COX7A2: variants seen among roughly 807,000 people sequenced by gnomAD.
The protein encoded by COX7A2 is cytochrome c oxidase subunit 7A2, also known as cytochrome c oxidase subunit 7A2, mitochondrial.
Under a neutral mutation model 11.6 loss-of-function variants are expected in COX7A2, and 11 were observed. That is an observed-to-expected ratio of 0.95 (90% CI 0.60 to 1.57). The LOEUF (loss-of-function observed/expected upper bound fraction) is 1.57, where lower values mean the gene tolerates loss of function less well. Ranked by LOEUF, COX7A2 falls within the 40% of genes most tolerant of loss-of-function variation. The pLI is 0.00. For missense variants in COX7A2, 106 were observed against 100.9 expected, an observed-to-expected ratio of 1.05 and a Z score of -0.22; for synonymous variants, 30 against 38.2, an observed-to-expected ratio of 0.78 and a Z score of 0.79.
chr6:75,243,411 G>C (rs1771583251), intron 1 of COX7A2, among the ~76,000 whole-genome samples: 1 of 152,002 alleles, frequency 6.6e-6, no homozygotes, highest in South Asian at 2.1e-4. Context: ...TACTCAGATC[G>C]GAGCTACTAA....
At chr6:75,244,489 A>G (rs1771637193), upstream of COX7A2, among the ~76,000 whole-genome samples, 1 of 152,236 alleles carries the variant, frequency 6.6e-6, no homozygotes, top group South Asian at 2.1e-4. Flanking sequence ...CCAGCAGGGC[A>G]CTACATTCAT....
At chr6:75,241,695 C>T (rs1455637937) in intron 1 of COX7A2, 1 of 152,982 alleles carries the variant, frequency 6.5e-6, no homozygotes, top group Non-Finnish European at 1.5e-5. Flanking sequence ...CCTGTAATCC[C>T]AGCACTTTGG....
rs1460146038 is a variant in COX7A2 at position 75,243,770 on chromosome 6, A to C, written c.-36T>G. 10 of 1,613,994 alleles carry C rather than the reference A, an allele frequency of 6.2e-6. No individual in the cohort carries two copies. Among genetic ancestry groups the C allele is most frequent in the African/African-American group, 2.7e-5 (2 of 75,004 alleles). On this transcript the variant is annotated 5_prime_UTR_variant, in exon 1 of 4. Coordinates refer to ENST00000684430, the MANE Select transcript of COX7A2 (RefSeq NM_001366293.2). ...ACTGACCAGCAACCGCCACAACTGA[A>C]CACCACCAACGAAAATGGCCACGCC...
At chr6:75,240,141 G>A in intron 3 of COX7A2, 160 bp downstream of exon 3, 1 of 639,636 alleles carries the variant, frequency 1.6e-6, no homozygotes, top group East Asian at 2.8e-5. Context: ...TATACAGTAT[G>A]TATCAGTCAC....
upstream of COX7A2, among the ~76,000 whole-genome samples, chr6:75,248,415 T>C (rs1771723666): frequency 6.6e-6 from 1 of 152,096 alleles, no homozygotes; most frequent in African/African-American, 2.4e-5. Context: ...CCTAAACATT[T>C]CTTTTCTATT....
chr6:75,247,367 G>C (rs1360233307), upstream of COX7A2, among the ~76,000 whole-genome samples: 1 of 152,240 alleles, frequency 6.6e-6, no homozygotes, highest in Non-Finnish European at 1.5e-5. Context: ...GTTAATTCTA[G>C]AGCCATGCTT....
At chr6:75,241,760 C>T (rs555210253) in intron 1 of COX7A2, 1 of 152,186 alleles carries the variant, frequency 6.6e-6, no homozygotes, top group East Asian at 2.0e-4. Flanking sequence ...ACCACTCTGA[C>T]CAACATTAGA....
chr6:75,240,429 C>T (rs1035256832), intron 2 of COX7A2, 44 bp from the exon 3 acceptor site: 4 of 1,344,194 alleles, frequency 3.0e-6, no homozygotes, highest in Non-Finnish European at 3.1e-6. Flanking sequence ...AAATGTCTCA[C>T]TCATTTCCAA....
At chr6:75,240,747 A>G (rs1431767672) in intron 2 of COX7A2, 1 of 107,648 alleles carries the variant, frequency 9.3e-6, no homozygotes, top group Non-Finnish European at 1.9e-5. Flanking sequence ...AGATTTAGTC[A>G]TAGGAAACTT....
At chr6:75,248,754 G>A (rs1771732088), upstream of COX7A2, among the ~76,000 whole-genome samples, 1 of 152,026 alleles carries the variant, frequency 6.6e-6, no homozygotes, top group African/African-American at 2.4e-5. Flanking sequence ...AATAATTACC[G>A]GTTACCTACT....
chr6:75,243,187 G>A (rs1206522885), intron 1 of COX7A2, among the ~76,000 whole-genome samples: 2 of 152,174 alleles, frequency 1.3e-5, no homozygotes, highest in South Asian at 2.1e-4. Flanking sequence ...GAGGGGTGAA[G>A]GACAATGCAC....
upstream of COX7A2, among the ~76,000 whole-genome samples, chr6:75,246,957 G>A (rs1293208026): frequency 6.6e-6 from 1 of 152,128 alleles, no homozygotes; most frequent in East Asian, 1.9e-4. Flanking sequence ...CATCAGTTTG[G>A]GGTTCTTTTA....
intron 3 of COX7A2, among the ~76,000 whole-genome samples, chr6:75,239,662 T>C (rs1454208893): frequency 1.3e-5 from 2 of 152,212 alleles, no homozygotes; most frequent in East Asian, 1.9e-4. Flanking sequence ...TGCATCACAG[T>C]CAAAATGTTT....
chr6:75,248,701 G>A (rs934567439), upstream of COX7A2, among the ~76,000 whole-genome samples: 2 of 81,136 alleles, frequency 2.5e-5, no homozygotes, highest in Non-Finnish European at 5.6e-5. Context: ...TATAGAGTTT[G>A]ACTCTTTTCA....
At chr6:75,244,374 A>C (rs755699082), upstream of COX7A2, among the ~76,000 whole-genome samples, 4 of 152,152 alleles carry the variant, frequency 2.6e-5, no homozygotes, top group Non-Finnish European at 5.9e-5. Flanking sequence ...AAGTTCTTCC[A>C]CAGTGTCCCC....
upstream of COX7A2, chr6:75,244,013 A>C: frequency 1.8e-6 from 1 of 543,868 alleles, no homozygotes; most frequent in South Asian, 2.1e-5. Flanking sequence ...AAGGCTGGGG[A>C]AAAAGCAAAC....
At chr6:75,240,819 A>G (rs1771478811) in intron 2 of COX7A2, 1 of 192,604 alleles carries the variant, frequency 5.2e-6, no homozygotes, top group Admixed American at 5.5e-5. Context: ...TATCCCTAGC[A>G]TCTAATCCAG....
At chr6:75,246,703 A>T (rs1425352130), upstream of COX7A2, among the ~76,000 whole-genome samples, 1 of 152,238 alleles carries the variant, frequency 6.6e-6, no homozygotes, top group Non-Finnish European at 1.5e-5. Context: ...GAGTATAAAA[A>T]TTCAAAACAT....
chr6:75,239,236 G>A (rs1165906941), intron 3 of COX7A2, among the ~76,000 whole-genome samples: 1 of 152,168 alleles, frequency 6.6e-6, no homozygotes. Context: ...GGGAAGGAGG[G>A]GACAGTCTTG....
Sources: gnomAD v4.1 joint callset for allele counts (sites outside exome capture counted in the v4.1 genomes callset) on GRCh38, gnomAD v4.1.1 for gene constraint, MANE v1.5 for transcripts, NCBI Gene and HGNC (gene_info 2026-07-23, HGNC 2026-07-21) for gene names.